Variants in CLEC16A observed in about 807,000 individuals in gnomAD.
CLEC16A encodes C-type lectin domain containing 16A.
In CLEC16A, 51 loss-of-function variants were observed where a neutral mutation model predicts 109.5. The observed-to-expected ratio is 0.47, with a 90% CI of 0.37 to 0.59. The LOEUF is 0.59. Among genes scored for constraint, CLEC16A ranks in the 20% least tolerant of loss-of-function variants. CLEC16A has a pLI of 0.00. For synonymous variants in CLEC16A, 673 were observed against 564.2 expected (o/e 1.19, Z -2.73); for missense variants, 1,339 against 1,394.0 (o/e 0.96, Z 0.63).
intron 10 of CLEC16A, among the ~76,000 whole-genome samples, chr16:10,988,514 G>A (rs2043806730): frequency 3.3e-5 from 5 of 152,168 alleles, no homozygotes; most frequent in Admixed American, 3.3e-4. Context: ...TGACTCAGTG[G>A]GTGAAGTGGT....
intron 19 of CLEC16A, among the ~76,000 whole-genome samples, chr16:11,119,290 A>T (rs1233330281): frequency 6.6e-6 from 1 of 152,218 alleles, no homozygotes; most frequent in Non-Finnish European, 1.5e-5. Context: ...GGCATGAGCC[A>T]CAGCACCCAG....
rs72650691 is a variant in CLEC16A at position 11,178,625 on chromosome 16, G to T, written c.3097G>T (p.Ala1033Ser). Residue 1033 changes from alanine (A) to serine (S), a missense_variant, in exon 24 of 24, where the codon GCC (alanine) becomes TCC (serine). Coordinates refer to ENST00000409790, the MANE Select transcript of CLEC16A (RefSeq NM_015226.3). The surrounding 1 kb of genome is among the most constrained non-coding windows in gnomAD (Gnocchi z 6.5). ...GMPPLSTPAAACTEPVGEEAA... is the reference protein window; with the variant it reads ...GMPPLSTPAASCTEPVGEEAA... ...GCCCCCGCTGTCCACGCCGGCTGCC[G>T]CCTGCACAGAGCCCGTGGGCGAAGA... 2 of 1,596,640 alleles carry T rather than the reference G, an allele frequency of 1.3e-6. No individual in the cohort carries two copies. Among genetic ancestry groups the T allele is most frequent in the Non-Finnish European group, 1.7e-6 (2 of 1,175,304 alleles).
At chr16:10,966,794 A>G (rs1393459559) in intron 3 of CLEC16A, among the ~76,000 whole-genome samples, 1 of 152,182 alleles carries the variant, frequency 6.6e-6, no homozygotes, top group Admixed American at 6.5e-5. Flanking sequence ...AACCACCCCC[A>G]TGATTCAATT....
intron 19 of CLEC16A, among the ~76,000 whole-genome samples, chr16:11,116,517 G>A (rs1016509588): frequency 2.6e-5 from 4 of 152,146 alleles, no homozygotes; most frequent in Admixed American, 1.3e-4. Context: ...GGAAACACGA[G>A]GCCTGTAAAG....
intron 22 of CLEC16A, among the ~76,000 whole-genome samples, chr16:11,144,370 G>A (rs2053966027): frequency 6.6e-6 from 1 of 152,160 alleles, no homozygotes; most frequent in Admixed American, 6.5e-5. Flanking sequence ...TGCTCCTCCA[G>A]GCAGACAGCT....
At chr16:11,008,332 G>A (rs1401551892) in intron 11 of CLEC16A, among the ~76,000 whole-genome samples, 1 of 152,208 alleles carries the variant, frequency 6.6e-6, no homozygotes, top group African/African-American at 2.4e-5. Flanking sequence ...GGCCATGCCT[G>A]CCATTTCCCT....
intron 1 of CLEC16A, among the ~76,000 whole-genome samples, chr16:10,955,476 A>T (rs2041942675): frequency 6.6e-6 from 1 of 152,118 alleles, no homozygotes. Context: ...GGAGGGAACA[A>T]TTAAATCCAC....
intron 10 of CLEC16A, among the ~76,000 whole-genome samples, chr16:10,991,423 C>CAAA (rs756161193): frequency 1.2e-3 from 77 of 63,284 alleles, no homozygotes; most frequent in African/African-American, 1.4e-3. Flanking sequence ...GACTCCGTCT[C>CAAA]AAAAAAAAAA....
At chr16:11,101,923 CCCCCG>C (rs2050940205) in intron 19 of CLEC16A, among the ~76,000 whole-genome samples, 1 of 151,764 alleles carries the variant, frequency 6.6e-6, no homozygotes, top group South Asian at 2.1e-4. Flanking sequence ...CCACCTCAGC[CCCCCG>C]AGTAGCTGGG....
At chr16:11,083,892 T>G (rs919485570) in intron 19 of CLEC16A, among the ~76,000 whole-genome samples, 3 of 152,174 alleles carry the variant, frequency 2.0e-5, no homozygotes, top group Non-Finnish European at 4.4e-5. Flanking sequence ...CTTGCCTGTG[T>G]GTGTTCTACC....
intron 22 of CLEC16A, among the ~76,000 whole-genome samples, chr16:11,156,841 A>G (rs2054543834): frequency 6.6e-6 from 1 of 151,904 alleles, no homozygotes; most frequent in Non-Finnish European, 1.5e-5. Context: ...CCCATGTGCC[A>G]TCCAACCCTC....
chr16:11,038,225 A>T (rs2047130682), intron 13 of CLEC16A, among the ~76,000 whole-genome samples: 1 of 152,208 alleles, frequency 6.6e-6, no homozygotes, highest in African/African-American at 2.4e-5. Context: ...CCAGACAATC[A>T]TCTCTTCAAT....
intron 11 of CLEC16A, among the ~76,000 whole-genome samples, chr16:11,011,856 T>G (rs1403623520): frequency 1.3e-5 from 2 of 152,106 alleles, no homozygotes; most frequent in African/African-American, 4.8e-5. Flanking sequence ...CTCTCCCATC[T>G]TAGATTTGTA....
Position 10,972,968 on chromosome 16 carries a change from G to A in CLEC16A, c.635G>A (p.Arg212Gln), listed in dbSNP as rs1254916058. ...AACCAGGCCATGCTGCACTACATCC[G>A]AGATAAAACTGCTGTTCCTTACTTC... is the stretch of plus-strand genomic sequence containing the variant. ...LDNQAMLHYI[R>Q]DKTAVPYFSN... Residue 212 changes from arginine to glutamine, a missense_variant, in exon 7 of 24, where the codon CGA becomes CAA. Physicochemically the swap from Arg to Gln is conservative, Grantham distance 43. Around this residue, in one of 3 missense-constraint regions of CLEC16A, gnomAD observed 161 missense variants for 267.1 expected, o/e 0.60. Transcript: ENST00000409790. 4 of 1,610,608 alleles carry A rather than the reference G, an allele frequency of 2.5e-6. No individual in the cohort carries two copies. The highest frequency in any genetic ancestry group is 3.4e-6 in the Non-Finnish European group (4 of 1,179,074).
chr16:11,122,470 C>T (rs996946667), intron 20 of CLEC16A, among the ~76,000 whole-genome samples: 1 of 151,224 alleles, frequency 6.6e-6, no homozygotes, highest in African/African-American at 2.5e-5. Context: ...CAATGAAAGC[C>T]ACATAAACCT....
intron 19 of CLEC16A, among the ~76,000 whole-genome samples, chr16:11,074,635 C>G (rs554166653): frequency 3.6e-4 from 55 of 152,222 alleles, no homozygotes; most frequent in African/African-American, 1.2e-3. Flanking sequence ...TATAAACTTA[C>G]AATCATAATT....
intron 1 of CLEC16A, among the ~76,000 whole-genome samples, chr16:10,948,646 G>A (rs901193086): frequency 2.0e-5 from 3 of 152,208 alleles, no homozygotes; most frequent in African/African-American, 7.2e-5. Context: ...TTGTGTGGGG[G>A]TCAAGATTTT....
At chr16:10,988,208 A>G (rs901219588) in intron 10 of CLEC16A, among the ~76,000 whole-genome samples, 7 of 152,194 alleles carry the variant, frequency 4.6e-5, no homozygotes, top group African/African-American at 1.7e-4. Flanking sequence ...CATTACTTGT[A>G]GGTACTTTTT....
At chr16:10,980,874 A>C (rs889710259) in intron 9 of CLEC16A, among the ~76,000 whole-genome samples, 4 of 152,194 alleles carry the variant, frequency 2.6e-5, no homozygotes, top group Non-Finnish European at 4.4e-5. Flanking sequence ...TTCAATATAA[A>C]ATCATTGCAT....
Sources: allele counts gnomAD v4.1 joint callset (sites outside exome capture counted in the v4.1 genomes callset), GRCh38; gene constraint gnomAD v4.1.1; regional missense constraint gnomAD v4.1.1; non-coding constraint Gnocchi (gnomAD v3.1); transcripts MANE v1.5; gene names NCBI Gene and HGNC (gene_info 2026-07-23, HGNC 2026-07-21).